PHEX: variants seen among roughly 807,000 people sequenced by gnomAD.
PHEX encodes the protein phosphate-regulating neutral endopeptidase PHEX.
Under a neutral mutation model 68.0 loss-of-function variants are expected in PHEX, and 16 were observed. The ratio of observed to expected loss-of-function variants is 0.24; its 90% CI spans 0.16 to 0.36. The LOEUF (loss-of-function observed/expected upper bound fraction) is 0.36. Ranked by LOEUF, PHEX falls within the 10% of genes least tolerant of loss-of-function variation. PHEX has a pLI of 1.00. For missense variants in PHEX, 480 were observed against 575.5 expected, an observed-to-expected ratio of 0.83 and a Z score of 1.70; for synonymous variants, 208 against 205.1, an observed-to-expected ratio of 1.01 and a Z score of -0.12.
chrX:22,177,926 C>T (rs1415379635), intron 13 of PHEX, among the ~76,000 whole-genome samples: 3 of 111,933 alleles, frequency 2.7e-5, no homozygotes, highest in Admixed American at 9.5e-5. Flanking sequence ...ATCAAGGACT[C>T]GTGAGCCAAG....
chrX:22,173,177 G>T (rs747252741), intron 13 of PHEX, among the ~76,000 whole-genome samples: 1 of 112,062 alleles, frequency 8.9e-6, no homozygotes, highest in Non-Finnish European at 1.9e-5. Context: ...AAAACATTGC[G>T]CTCAGCTCTT....
chrX:22,104,441 A>G (rs777702353), intron 9 of PHEX, among the ~76,000 whole-genome samples: 2 of 109,762 alleles, frequency 1.8e-5, no homozygotes, highest in South Asian at 8.0e-4. Context: ...CTGGTGTTTG[A>G]GGTGGAAAGG....
chrX:22,049,977 C>T (rs1454086430), intron 3 of PHEX, among the ~76,000 whole-genome samples: 1 of 112,834 alleles, frequency 8.9e-6, no homozygotes, highest in Non-Finnish European at 1.9e-5. Flanking sequence ...AAACCATTGC[C>T]AGTAGGCAAA....
intron 11 of PHEX, among the ~76,000 whole-genome samples, chrX:22,124,123 G>A (rs1035724454): frequency 1.8e-5 from 2 of 111,302 alleles, no homozygotes; most frequent in South Asian, 3.8e-4. Flanking sequence ...GAGCCACCAT[G>A]CCCGGCCATG....
At chrX:22,054,525 T>C (rs1369257410) in intron 3 of PHEX, among the ~76,000 whole-genome samples, 1 of 111,809 alleles carries the variant, frequency 8.9e-6, no homozygotes, top group Non-Finnish European at 1.9e-5. Flanking sequence ...TCCATTGTGG[T>C]GGGCTTTTTA....
chrX:22,050,825 T>C (rs767246096), intron 3 of PHEX, among the ~76,000 whole-genome samples: 1 of 111,753 alleles, frequency 8.9e-6, no homozygotes, highest in Non-Finnish European at 1.9e-5. Context: ...CTCTTTTAAC[T>C]TATCTTGATT....
intron 20 of PHEX, among the ~76,000 whole-genome samples, chrX:22,231,609 T>G (rs1182097736): frequency 4.5e-5 from 5 of 111,875 alleles, no homozygotes; most frequent in Non-Finnish European, 9.4e-5. Context: ...TGTGGGATTC[T>G]TGGTGATATC....
intron 12 of PHEX, among the ~76,000 whole-genome samples, chrX:22,143,659 G>A (rs754362492): frequency 1.5e-4 from 17 of 112,262 alleles, no homozygotes; most frequent in Non-Finnish European, 2.8e-4. Context: ...ATGAGATCAC[G>A]CACCAATGCG....
intron 3 of PHEX, among the ~76,000 whole-genome samples, chrX:22,048,761 C>T (rs911996397): frequency 9.0e-6 from 1 of 111,721 alleles, no homozygotes; most frequent in South Asian, 3.7e-4. Flanking sequence ...TTGTTAAGCA[C>T]AGGGTTTTTG....
At chrX:22,234,314 C>T (rs1189657710) in intron 20 of PHEX, among the ~76,000 whole-genome samples, 2 of 112,695 alleles carry the variant, frequency 1.8e-5, no homozygotes, top group Admixed American at 9.3e-5. Flanking sequence ...CAGAGCTCGA[C>T]CACTGCGCTG....
Position 22,248,098 on chromosome X carries a change from T to C in PHEX, c.*145T>C, listed in dbSNP as rs916629252. The C allele has an allele frequency of 2.4e-5, 12 of 497,687 alleles. No homozygotes were observed. In the Admixed American group the frequency reaches 2.6e-4, roughly 11 times the overall value. 41.0% of individuals were successfully genotyped at this position (497,687 alleles called of 1,213,427 possible). On this transcript the variant is annotated 3_prime_UTR_variant, in exon 22 of 22. Coordinates refer to ENST00000379374, the MANE Select transcript of PHEX (RefSeq NM_000444.6). The stretch of plus-strand genomic sequence containing the variant: ...TTTGGGTAGGTGACCTGCTTGGATC[T>C]AGACAGCATCTGTTCAAAGTTGTAG...
At chrX:22,125,615 C>T (rs1931683623) in intron 11 of PHEX, among the ~76,000 whole-genome samples, 1 of 111,333 alleles carries the variant, frequency 9.0e-6, no homozygotes, top group Non-Finnish European at 1.9e-5. Flanking sequence ...ACTAGGCTAA[C>T]TTACAGAGTC....
At chrX:22,168,957 G>A (rs752276131) in intron 13 of PHEX, among the ~76,000 whole-genome samples, 6 of 111,320 alleles carry the variant, frequency 5.4e-5, no homozygotes, top group Admixed American at 9.6e-5. Context: ...TTTTCCAGTA[G>A]GTGTATTAAT....
intron 18 of PHEX, among the ~76,000 whole-genome samples, chrX:22,223,446 T>C (rs1206039615): frequency 9.0e-6 from 1 of 111,663 alleles, no homozygotes; most frequent in Non-Finnish European, 1.9e-5. Flanking sequence ...AAATTAGATA[T>C]AAAGCTTAGA....
At position 22,250,031 on chromosome X, in the gene PHEX, C is replaced by T. The variant is rs1936526478; in HGVS notation, c.*2078C>T. The T allele has an allele frequency of 9.0e-6, 1 of 111,726 alleles. No individual in the cohort carries two copies. The highest frequency in any genetic ancestry group is 3.3e-5 in the African/African-American group (1 of 30,696). 9.2% of individuals were successfully genotyped at this position (111,726 alleles called of 1,213,427 possible). A position where few individuals can be genotyped will look rare whatever the true frequency, so the allele number is the denominator to read the frequency against. On this transcript the variant is annotated 3_prime_UTR_variant, in exon 22 of 22. Coordinates refer to ENST00000379374, the MANE Select transcript of PHEX (RefSeq NM_000444.6). ...GCCCTCACAGTTTCTAGATGAGAAG[C>T]TTACCTTATCCTGATTAACTTTACT...
At chrX:22,103,569 C>T (rs1346217150) in intron 9 of PHEX, among the ~76,000 whole-genome samples, 1 of 111,799 alleles carries the variant, frequency 8.9e-6, no homozygotes, top group East Asian at 2.8e-4. Context: ...TTTTTCCATT[C>T]CTGAGTTACT....
chrX:22,128,191 T>C (rs749474862), intron 11 of PHEX, among the ~76,000 whole-genome samples: 54 of 109,439 alleles, frequency 4.9e-4, no homozygotes, highest in African/African-American at 1.7e-3. Flanking sequence ...CCCAAGTTGC[T>C]GAGGTTACAG....
chrX:22,097,106 T>C (rs1261711950), intron 8 of PHEX, 68 bp downstream of exon 8: 3 of 742,775 alleles, frequency 4.0e-6, no homozygotes, highest in Non-Finnish European at 6.4e-6. Context: ...ATTTCATCTC[T>C]GTGTAAATTT....
intron 9 of PHEX, among the ~76,000 whole-genome samples, chrX:22,106,443 G>C (rs994892207): frequency 9.0e-6 from 1 of 111,463 alleles, no homozygotes; most frequent in African/African-American, 3.3e-5. Context: ...GAGTGTTTTG[G>C]GGTCTCTGTG....
Sources: gnomAD v4.1 joint callset for allele counts (sites outside exome capture counted in the v4.1 genomes callset) on GRCh38, gnomAD v4.1.1 for gene constraint, MANE v1.5 for transcripts, NCBI Gene and HGNC (gene_info 2026-07-23, HGNC 2026-07-21) for gene names.